DNMT1: variants seen among roughly 807,000 people sequenced by gnomAD.
DNMT1 encodes the protein DNA methyltransferase 1, also known as DNA (cytosine-5)-methyltransferase 1.
In DNMT1, 24 loss-of-function variants were observed where a neutral mutation model predicts 205.3. The observed-to-expected ratio is 0.12, with a 90% CI of 0.08 to 0.16. The LOEUF (loss-of-function observed/expected upper bound fraction) is 0.16, where lower values mean the gene tolerates loss of function less well. DNMT1 is among the 10% of genes least tolerant of loss of function. The pLI, the probability that DNMT1 is intolerant of heterozygous loss-of-function variation, is 1.00. For synonymous variants in DNMT1, 817 were observed against 839.8 expected (o/e 0.97, Z 0.47); for missense variants, 1,293 against 2,177.7 (o/e 0.59, Z 8.09).
intron 9 of DNMT1, among the ~76,000 whole-genome samples, chr19:10,169,617 T>G (rs929488572): frequency 6.7e-6 from 1 of 150,006 alleles, no homozygotes; most frequent in Admixed American, 6.7e-5. Flanking sequence ...CAAAAAAAAA[T>G]TAGCCTGGCG....
intron 9 of DNMT1, among the ~76,000 whole-genome samples, chr19:10,169,150 C>T (rs1453375768): frequency 6.6e-6 from 1 of 152,044 alleles, no homozygotes; most frequent in African/African-American, 2.4e-5. Flanking sequence ...TTTAAAGAAC[C>T]AGACACATCT....
At chr19:10,160,239 C>A in intron 14 of DNMT1, 145 bp downstream of exon 14, 3 of 1,503,524 alleles carry the variant, frequency 2.0e-6, no homozygotes, top group South Asian at 2.3e-5. Flanking sequence ...TCCTGCCTGA[C>A]GCACCTTGGT....
chr19:10,174,912 G>A (rs545153258), intron 7 of DNMT1, among the ~76,000 whole-genome samples: 164 of 150,420 alleles, frequency 1.1e-3, no homozygotes, highest in African/African-American at 3.3e-3. Context: ...AAAATTAGCC[G>A]GGCGTGGTGG....
intron 11 of DNMT1, 42 bp from the exon 12 acceptor site, chr19:10,163,402 A>G (rs780309834): frequency 6.2e-7 from 1 of 1,603,506 alleles, no homozygotes; most frequent in Admixed American, 1.7e-5. Flanking sequence ...TAAAGAAGGG[A>G]AAAAATTAGT....
intron 34 of DNMT1, 128 bp downstream of exon 34, chr19:10,139,548 A>G: frequency 1.1e-5 from 16 of 1,480,628 alleles, no homozygotes; most frequent in Non-Finnish European, 9.1e-7. Context: ...ACAGAGCACC[A>G]TGCCAGCCTC....
At chr19:10,160,090 T>G in intron 14 of DNMT1, 27 bp from the exon 15 acceptor site, 1 of 1,611,314 alleles carries the variant, frequency 6.2e-7, no homozygotes, top group South Asian at 1.1e-5. Context: ...AATCACAAGA[T>G]CGTTTGTTTA....
At chr19:10,179,321 A>AT (rs112064261) in intron 5 of DNMT1, among the ~76,000 whole-genome samples, 120 of 142,324 alleles carry the variant, frequency 8.4e-4, no homozygotes, top group African/African-American at 1.1e-3. Flanking sequence ...CGAAAACAAC[A>AT]TTTTTTTTTT....
chr19:10,162,864 G>A (rs549773708), intron 12 of DNMT1, 116 bp from the exon 13 acceptor site: 164 of 1,117,204 alleles, frequency 1.5e-4, no homozygotes, highest in Middle Eastern at 6.0e-4. Context: ...ATACCCATGG[G>A]AGCTCTATAG....
intron 1 of DNMT1, 54 bp downstream of exon 1, chr19:10,194,766 C>G (rs1005534865): frequency 1.6e-5 from 24 of 1,545,676 alleles, no homozygotes; most frequent in Non-Finnish European, 1.7e-5. Context: ...AGCGACCCCC[C>G]ACCCAGCGCC....
intron 5 of DNMT1, chr19:10,178,606 A>T (rs1050467315): frequency 6.6e-6 from 1 of 151,946 alleles, no homozygotes; most frequent in Non-Finnish European, 1.5e-5. Context: ...AAATACAAAA[A>T]ATTATCCAGG....
At chr19:10,181,021 A>G in intron 2 of DNMT1, 136 bp from the exon 3 acceptor site, 1 of 742,084 alleles carries the variant, frequency 1.3e-6, no homozygotes, top group South Asian at 1.5e-5. Context: ...TCAAAACACT[A>G]AACAGTCATG....
At position 10,149,446 on chromosome 19, in the gene DNMT1, C is replaced by A. The variant is rs2038287887; in HGVS notation, c.2586+7G>T. 2 of 1,613,974 alleles carry A rather than the reference C, an allele frequency of 1.2e-6. No homozygotes were observed. The highest frequency in any genetic ancestry group is 8.5e-7 in the Non-Finnish European group (1 of 1,180,000). On this transcript the variant is annotated splice_region_variant and intron_variant, in intron 26 of 40. Transcript: ENST00000359526. ...GCAGGGGCTCACGAGGGACACCAGG[C>A]ACTCACCTCCATGGCCCAGTTTTCG...
intron 1 of DNMT1, chr19:10,194,570 C>G: frequency 2.1e-6 from 1 of 473,618 alleles, no homozygotes; most frequent in East Asian, 3.9e-5. Flanking sequence ...AAGAGAACCC[C>G]CACCCCGCCT....
In DNMT1 at chr19:10,134,353, C is replaced by T. The variant is rs553346900; in HGVS notation, c.4774-46G>A. On this transcript the variant is annotated intron_variant, in intron 39 of 40. Transcript: ENST00000359526. ...AATGCCTGATGTGGACACCCAGGCC[C>T]AAGGCCCGGGGGCAGGTGTACTGCC... 52 of 1,573,610 alleles carry T rather than the reference C, an allele frequency of 3.3e-5. No homozygotes were observed. The East Asian group carries it at 1.1e-3, about 33-fold the overall frequency.
At chr19:10,158,809 C>G (rs2038508712) in intron 17 of DNMT1, among the ~76,000 whole-genome samples, 1 of 152,208 alleles carries the variant, frequency 6.6e-6, no homozygotes, top group Non-Finnish European at 1.5e-5. Flanking sequence ...CTGGCACAGG[C>G]CCCTCCGAGC....
chr19:10,148,315 T>G (rs990893204), intron 27 of DNMT1, among the ~76,000 whole-genome samples: 2 of 149,606 alleles, frequency 1.3e-5, no homozygotes, highest in African/African-American at 4.9e-5. Flanking sequence ...GCTAACACAG[T>G]GAAACCTCGT....
chr19:10,180,032 G>A (rs767811357), intron 5 of DNMT1, 155 bp downstream of exon 5: 44 of 371,010 alleles, frequency 1.2e-4, no homozygotes, highest in South Asian at 9.5e-4. Flanking sequence ...AGTTAAGCAG[G>A]GCCAGGCGTG....
intron 3 of DNMT1, 80 bp from the exon 4 acceptor site, chr19:10,180,649 A>G (rs1232080698): frequency 9.0e-6 from 11 of 1,220,180 alleles, no homozygotes; most frequent in African/African-American, 1.6e-5. Flanking sequence ...TGTTTCCTTC[A>G]TCATCATCAT....
intron 29 of DNMT1, among the ~76,000 whole-genome samples, chr19:10,142,481 T>G (rs181029572): frequency 7.8e-6 from 1 of 128,582 alleles, no homozygotes; most frequent in Admixed American, 8.0e-5. Context: ...AACCACAGGG[T>G]AAAGATCCCC....
Sources: allele counts gnomAD v4.1 joint callset (sites outside exome capture counted in the v4.1 genomes callset), GRCh38; gene constraint gnomAD v4.1.1; transcripts MANE v1.5; gene names NCBI Gene and HGNC (gene_info 2026-07-23, HGNC 2026-07-21).